CEP128: variants seen among roughly 807,000 people sequenced by gnomAD.
CEP128 encodes centrosomal protein 128kDa.
Under a neutral mutation model 156.7 loss-of-function variants are expected in CEP128, and 132 were observed. The observed-to-expected ratio is 0.84, with a 90% CI of 0.73 to 0.97. CEP128 has a LOEUF of 0.97. Ranked by LOEUF, CEP128 falls within the 50% of genes least tolerant of loss-of-function variation. The pLI is 0.00. For synonymous variants in CEP128, 469 were observed against 448.9 expected, an observed-to-expected ratio of 1.04 and a Z score of -0.57; for missense variants, 1,252 against 1,281.9, an observed-to-expected ratio of 0.98 and a Z score of 0.36.
chr14:80,616,378 A>G (rs970045100), intron 19 of CEP128, among the ~76,000 whole-genome samples: 2 of 152,134 alleles, frequency 1.3e-5, no homozygotes, highest in Non-Finnish European at 1.5e-5. Flanking sequence ...TTATATAGAG[A>G]TGATTATTTT....
chr14:80,671,962 C>A (rs1895861458), intron 19 of CEP128, among the ~76,000 whole-genome samples: 2 of 152,040 alleles, frequency 1.3e-5, no homozygotes, highest in Non-Finnish European at 2.9e-5. Flanking sequence ...ACTGACAGGC[C>A]TCTGAAGTTT....
intron 19 of CEP128, among the ~76,000 whole-genome samples, chr14:80,600,664 TA>T (rs945793390): frequency 6.6e-6 from 1 of 152,178 alleles, no homozygotes; most frequent in African/African-American, 2.4e-5. Context: ...ATAAATATTT[TA>T]AAAACAGTAT....
At chr14:80,498,367 C>A (rs986690316) in intron 24 of CEP128, among the ~76,000 whole-genome samples, 4 of 152,152 alleles carry the variant, frequency 2.6e-5, no homozygotes, top group African/African-American at 4.8e-5. Flanking sequence ...AGTTACCTTT[C>A]GGAAAAGTCA....
chr14:80,628,045 A>G (rs2049967138), intron 19 of CEP128, among the ~76,000 whole-genome samples: 1 of 152,198 alleles, frequency 6.6e-6, no homozygotes, highest in East Asian at 1.9e-4. Context: ...TAAGCGTACT[A>G]GTGAAAAAGC....
intron 19 of CEP128, among the ~76,000 whole-genome samples, chr14:80,647,668 G>A (rs1040532510): frequency 4.6e-5 from 7 of 152,080 alleles, no homozygotes; most frequent in African/African-American, 1.7e-4. Context: ...ACTGGGGAGG[G>A]GAGGTCGTCT....
intron 19 of CEP128, among the ~76,000 whole-genome samples, chr14:80,649,019 T>C (rs539304096): frequency 4.6e-5 from 7 of 152,140 alleles, no homozygotes; most frequent in African/African-American, 1.2e-4. Context: ...CTAACTGATG[T>C]AAGAAATTAC....
At chr14:80,787,498 A>C (rs1353260786) in intron 14 of CEP128, among the ~76,000 whole-genome samples, 1 of 152,110 alleles carries the variant, frequency 6.6e-6, no homozygotes, top group Non-Finnish European at 1.5e-5. Flanking sequence ...TCATGTGATA[A>C]GATTAGGCCC....
At chr14:80,594,577 C>T (rs1892231186) in intron 19 of CEP128, among the ~76,000 whole-genome samples, 1 of 152,036 alleles carries the variant, frequency 6.6e-6, no homozygotes, top group Non-Finnish European at 1.5e-5. Flanking sequence ...CTCCATCTGA[C>T]AAAGGGCTAG....
chr14:80,954,366 G>A (rs545195653), intron 2 of CEP128, among the ~76,000 whole-genome samples: 1 of 152,238 alleles, frequency 6.6e-6, no homozygotes, highest in African/African-American at 2.4e-5. Flanking sequence ...AGGTATCAGA[G>A]TTTGTTTATC....
intron 19 of CEP128, among the ~76,000 whole-genome samples, chr14:80,615,469 T>C (rs942255035): frequency 9.2e-5 from 14 of 152,152 alleles, no homozygotes; most frequent in Admixed American, 2.6e-4. Flanking sequence ...GCGAAAAGGA[T>C]TGATGCAAAT....
intron 19 of CEP128, among the ~76,000 whole-genome samples, chr14:80,618,299 CAGAG>C (rs760146750): frequency 2.6e-5 from 4 of 152,074 alleles, no homozygotes; most frequent in Admixed American, 1.3e-4. Flanking sequence ...ATAAAGAAAA[CAGAG>C]AGCTACACAT....
chr14:80,763,044 T>C (rs1900049461), intron 16 of CEP128, among the ~76,000 whole-genome samples: 4 of 152,190 alleles, frequency 2.6e-5, no homozygotes, highest in Admixed American at 2.6e-4. Context: ...CATGTCAGCA[T>C]AACCAGTACA....
At chr14:80,479,941 G>A (rs1315356542) in intron 14 of CEP128, among the ~76,000 whole-genome samples, 1 of 152,192 alleles carries the variant, frequency 6.6e-6, no homozygotes, top group African/African-American at 2.4e-5. Context: ...GCTCCAAAAT[G>A]ATCTCCTTTG....
chr14:80,614,440 C>T (rs1053451930), intron 19 of CEP128, among the ~76,000 whole-genome samples: 9 of 152,164 alleles, frequency 5.9e-5, no homozygotes, highest in Non-Finnish European at 1.2e-4. Flanking sequence ...ATCATTTCTT[C>T]TCAGTGTCGT....
In CEP128 at chr14:80,899,997, G is replaced by A; in HGVS notation, c.513C>T (p.Leu171=). ...LHGFHQSLRD[L]SSEQIRLGDD... Reference sequence around the variant, plus strand: ...CTCCAAGGCGAATTTGTTCACTGCTGAGGTCTCGAAGAGACTGATGAAAAC... The same window carrying A: ...CTCCAAGGCGAATTTGTTCACTGCTAAGGTCTCGAAGAGACTGATGAAAAC... The change falls in exon 7 of 25, where the codon CTC becomes CTT. Residue 171 remains leucine, a synonymous_variant. Transcript: ENST00000555265. 1.9e-6 allele frequency: 3 copies of A among 1,613,560 alleles called. No homozygotes were observed. Among genetic ancestry groups the A allele is most frequent in the African/African-American group, 2.7e-5 (2 of 75,020 alleles).
intron 21 of CEP128, among the ~76,000 whole-genome samples, chr14:80,532,052 G>C (rs1476651349): frequency 6.6e-6 from 1 of 152,132 alleles, no homozygotes; most frequent in African/African-American, 2.4e-5. Context: ...TAAGATTTCA[G>C]AGTTAGTTAT....
intron 19 of CEP128, among the ~76,000 whole-genome samples, chr14:80,678,301 G>A (rs188989367): frequency 1.9e-4 from 29 of 149,928 alleles, no homozygotes; most frequent in Admixed American, 1.8e-3. Context: ...TAATATAAAA[G>A]ATCATCTATC....
chr14:80,936,831 TTATC>T (rs1214206333), intron 2 of CEP128, among the ~76,000 whole-genome samples: 26 of 152,198 alleles, frequency 1.7e-4, no homozygotes, highest in Non-Finnish European at 3.5e-4. Flanking sequence ...AATGATATTC[TTATC>T]TATCTGTTTT....
intron 8 of CEP128, among the ~76,000 whole-genome samples, chr14:80,870,592 T>G (rs889711132): frequency 6.6e-6 from 1 of 152,060 alleles, no homozygotes; most frequent in Non-Finnish European, 1.5e-5. Flanking sequence ...AGAATGAGTT[T>G]ATTTTAGCAT....
Sources: gnomAD v4.1 joint callset for allele counts (sites outside exome capture counted in the v4.1 genomes callset) on GRCh38, gnomAD v4.1.1 for gene constraint, MANE v1.5 for transcripts, NCBI Gene and HGNC (gene_info 2026-07-23, HGNC 2026-07-21) for gene names.